PLCB1: variants seen among roughly 807,000 people sequenced by gnomAD.
The protein encoded by PLCB1 is 1-phosphatidylinositol 4,5-bisphosphate phosphodiesterase beta-1.
In PLCB1, 46 loss-of-function variants were observed where a neutral mutation model predicts 161.8. The ratio of observed to expected loss-of-function variants is 0.28; its 90% CI spans 0.22 to 0.36. The LOEUF (loss-of-function observed/expected upper bound fraction) is 0.36. PLCB1 is among the 10% of genes least tolerant of loss of function. The pLI, the probability that PLCB1 is intolerant of heterozygous loss-of-function variation, is 1.00. For synonymous variants in PLCB1, 517 were observed against 503.7 expected (o/e 1.03, Z -0.35); for missense variants, 1,016 against 1,472.5 (o/e 0.69, Z 5.07).
chr20:8,721,404 T>C (rs1045043097), intron 14 of PLCB1, among the ~76,000 whole-genome samples: 2 of 152,246 alleles, frequency 1.3e-5, no homozygotes, highest in African/African-American at 4.8e-5. Flanking sequence ...GCTGACTTTT[T>C]ACTTGAAAAT....
chr20:8,829,712 T>C (rs1985890638), intron 31 of PLCB1, among the ~76,000 whole-genome samples: 1 of 152,194 alleles, frequency 6.6e-6, no homozygotes, highest in African/African-American at 2.4e-5. Flanking sequence ...TAATTCAATT[T>C]AATATGAAAG....
intron 1 of PLCB1, among the ~76,000 whole-genome samples, chr20:8,139,374 G>A (rs1357130521): frequency 1.3e-5 from 2 of 152,092 alleles, no homozygotes; most frequent in African/African-American, 4.8e-5. Context: ...AGGATTACAG[G>A]TGTGAGCCAC....
At chr20:8,541,562 G>GAGAAAAAGAAAGAAAGAA (rs1555769022) in intron 3 of PLCB1, among the ~76,000 whole-genome samples, 2 of 114,348 alleles carry the variant, frequency 1.7e-5, no homozygotes. Context: ...AAGGAAGAAA[G>GAGAAAAAGAAAGAAAGAA]AGAAAGAAAG....
chr20:8,728,750 A>G lies in PLCB1; in HGVS notation c.1764-300A>G, dbSNP rs1200245544. ...TTGACTTTTACCCACGGGGCTCTGC[A>G]AAGGTGATGCTATGCCTATGTGATA... is the stretch of plus-strand genomic sequence containing the variant. On this transcript the variant is annotated intron_variant, in intron 17 of 31. Coordinates refer to ENST00000338037, the MANE Select transcript of PLCB1 (RefSeq NM_015192.4). 3.9e-5 allele frequency among the ~76,000 whole-genome samples: 6 copies of G among 152,176 alleles called. No individual in the cohort carries two copies. In the East Asian group the frequency reaches 1.2e-3, roughly 29 times the overall value.
chr20:8,681,099 TATATATATATATATATATATA>T (rs1213405034), intron 9 of PLCB1, among the ~76,000 whole-genome samples: 13 of 107,390 alleles, frequency 1.2e-4, no homozygotes, highest in Admixed American at 1.0e-3. Context: ...TATATATATA[TATATATATATATATATATATA>T]ATATATATAA....
intron 3 of PLCB1, among the ~76,000 whole-genome samples, chr20:8,521,441 T>C (rs1379641999): frequency 4.6e-5 from 7 of 152,092 alleles, no homozygotes; most frequent in Admixed American, 1.3e-4. Context: ...GGGTGGCTCA[T>C]GTCTGTAATC....
intron 3 of PLCB1, among the ~76,000 whole-genome samples, chr20:8,613,151 C>T (rs907719728): frequency 2.6e-5 from 4 of 152,182 alleles, no homozygotes; most frequent in African/African-American, 9.6e-5. Context: ...TTGAAAGGCA[C>T]CACAAGAAGT....
intron 2 of PLCB1, among the ~76,000 whole-genome samples, chr20:8,179,510 GTTTATTAGATCAAGGAGCTT>G (rs1256744763): frequency 6.6e-6 from 1 of 152,140 alleles, no homozygotes; most frequent in East Asian, 1.9e-4. Context: ...TGCTGAAGTT[GTTTATTAGATCAAGGAGCTT>G]TTGGGCAGAG....
intron 2 of PLCB1, among the ~76,000 whole-genome samples, chr20:8,367,475 T>C (rs890047314): frequency 9.2e-5 from 14 of 152,314 alleles, no homozygotes; most frequent in Non-Finnish European, 1.9e-4. Context: ...CAGGCTACAG[T>C]TGGAGAGCCA....
intron 2 of PLCB1, among the ~76,000 whole-genome samples, chr20:8,274,571 T>A (rs1014113048): frequency 1.3e-5 from 2 of 151,872 alleles, no homozygotes; most frequent in African/African-American, 4.8e-5. Flanking sequence ...TATATTTAAA[T>A]AAGATCAATG....
intron 2 of PLCB1, among the ~76,000 whole-genome samples, chr20:8,198,574 CT>C (rs1471896270): frequency 1.3e-5 from 2 of 151,994 alleles, no homozygotes; most frequent in African/African-American, 4.8e-5. Context: ...CTTTTGGGAT[CT>C]TTTTTTAAAA....
intron 31 of PLCB1, among the ~76,000 whole-genome samples, chr20:8,836,875 T>G (rs1310019769): frequency 1.3e-5 from 2 of 152,130 alleles, no homozygotes; most frequent in African/African-American, 2.4e-5. Context: ...GAGGAGACCT[T>G]TATCTCCTAT....
intron 3 of PLCB1, among the ~76,000 whole-genome samples, chr20:8,445,656 G>T (rs997347950): frequency 4.6e-4 from 70 of 152,172 alleles, no homozygotes; most frequent in Middle Eastern, 3.4e-3. Flanking sequence ...CATTTTCATG[G>T]TATTGATTCT....
At chr20:8,209,762 C>T (rs1691308080) in intron 2 of PLCB1, among the ~76,000 whole-genome samples, 1 of 152,050 alleles carries the variant, frequency 6.6e-6, no homozygotes, top group South Asian at 2.1e-4. Context: ...TAAGTAGAGG[C>T]AAACATACTG....
At chr20:8,139,257 A>G (rs1028134402) in intron 1 of PLCB1, among the ~76,000 whole-genome samples, 1 of 151,190 alleles carries the variant, frequency 6.6e-6, no homozygotes, top group Non-Finnish European at 1.5e-5. Flanking sequence ...CAGCTAATTT[A>G]TTTTTATTTT....
intron 31 of PLCB1, among the ~76,000 whole-genome samples, chr20:8,795,336 T>C (rs2089942052): frequency 1.3e-5 from 2 of 152,286 alleles, no homozygotes; most frequent in African/African-American, 4.8e-5. Flanking sequence ...ATAAAATATT[T>C]TGGCCTCAAT....
intron 2 of PLCB1, among the ~76,000 whole-genome samples, chr20:8,210,321 T>C (rs954468797): frequency 7.2e-5 from 11 of 152,162 alleles, no homozygotes; most frequent in Admixed American, 3.9e-4. Flanking sequence ...GTCTGTTTTA[T>C]AGTCATGCCT....
chr20:8,706,083 C>T (rs894760133), intron 11 of PLCB1, among the ~76,000 whole-genome samples: 1 of 152,232 alleles, frequency 6.6e-6, no homozygotes, highest in Non-Finnish European at 1.5e-5. Context: ...CAACGGTTTA[C>T]TTCTCACACA....
chr20:8,774,529 G>C lies in PLCB1; in HGVS notation c.2931-10G>C. On this transcript the variant is annotated splice_polypyrimidine_tract_variant and intron_variant, in intron 26 of 31. Transcript: ENST00000338037. ...GTCTGTTTTGTGAGTCAAACTCTGT[G>C]TCTTTGCAGATCGGAACCCAGCAGC... 1 of 1,587,994 alleles carries C rather than the reference G, an allele frequency of 6.3e-7. No individual in the cohort carries two copies. Among genetic ancestry groups the C allele is most frequent in the Non-Finnish European group, 8.6e-7 (1 of 1,161,960 alleles).
Sources: gnomAD v4.1 joint callset for allele counts (sites outside exome capture counted in the v4.1 genomes callset) on GRCh38, gnomAD v4.1.1 for gene constraint, MANE v1.5 for transcripts, NCBI Gene and HGNC (gene_info 2026-07-23, HGNC 2026-07-21) for gene names.